The following GSKIP variants were observed in gnomAD, a reference collection of about 807,000 sequenced individuals.
GSKIP encodes the protein GSK3B interacting protein.
In GSKIP, 5 loss-of-function variants were observed where a neutral mutation model predicts 11.9. The observed-to-expected ratio is 0.42, with a 90% CI of 0.22 to 0.89. The LOEUF (loss-of-function observed/expected upper bound fraction) is 0.89. Among genes scored for constraint, GSKIP ranks in the 40% least tolerant of loss-of-function variants. The pLI is 0.29. For missense variants in GSKIP, 150 were observed against 166.6 expected, an observed-to-expected ratio of 0.90 and a Z score of 0.55; for synonymous variants, 70 against 62.9, an observed-to-expected ratio of 1.11 and a Z score of -0.54.
At chr14:96,368,079 G>A (rs1219210801) in intron 1 of GSKIP, among the ~76,000 whole-genome samples, 1 of 151,050 alleles carries the variant, frequency 6.6e-6, no homozygotes, top group Non-Finnish European at 1.5e-5. Flanking sequence ...TGTAATAACT[G>A]GAATTTTTTT....
intron 1 of GSKIP, among the ~76,000 whole-genome samples, chr14:96,379,265 C>G (rs1889282871): frequency 1.3e-5 from 2 of 152,208 alleles, no homozygotes; most frequent in South Asian, 4.1e-4. Flanking sequence ...GATCATGTCA[C>G]TGCACTCCAG....
In GSKIP at chr14:96,382,302, G is replaced by T; in HGVS notation, c.55G>T (p.Gly19Cys). The change falls in exon 3 of 4, where the codon GGT (glycine) becomes TGT (cysteine). Residue 19 changes from glycine (G) to cysteine (C), a missense_variant. Gly to Cys is a radical substitution (Grantham distance 159). Transcript: ENST00000555181. ...AAGCAGTATGTCAGGATTTGAAGAA[G>T]GTTCAGAGCTGAACGGTTTTGAAGG... ...ELSSMSGFEE[G>C]SELNGFEGTD... 1 of 1,612,506 alleles carries T rather than the reference G, an allele frequency of 6.2e-7. No individual in the cohort carries two copies.
At chr14:96,376,347 C>T (rs1889203186) in intron 1 of GSKIP, among the ~76,000 whole-genome samples, 1 of 151,986 alleles carries the variant, frequency 6.6e-6, no homozygotes, top group South Asian at 2.1e-4. Context: ...ATGCTTTGTT[C>T]CCTACACAGA....
intron 1 of GSKIP, among the ~76,000 whole-genome samples, chr14:96,375,189 TATAAA>T (rs1220639048): frequency 6.6e-6 from 1 of 151,606 alleles, no homozygotes; most frequent in Non-Finnish European, 1.5e-5. Context: ...AACCAAAAGA[TATAAA>T]ATAGAATCCT....
At chr14:96,378,443 T>TA (rs1367870532) in intron 1 of GSKIP, among the ~76,000 whole-genome samples, 1 of 152,202 alleles carries the variant, frequency 6.6e-6, no homozygotes, top group East Asian at 1.9e-4. Context: ...AGATGGCCTC[T>TA]AGAAGTGAGA....
rs1889373008 is a variant in GSKIP at position 96,382,443 on chromosome 14, A to G, written c.196A>G (p.Ile66Val). Residue 66 changes from isoleucine to valine, a missense_variant, in exon 3 of 4, where the codon ATC (isoleucine) becomes GTC (valine). Transcript: ENST00000555181. ...SLRCADDVAY[I>V]NVETKERNRY... is the part of the protein sequence containing the mutation. Reference sequence around the variant, plus strand: ...GCGGTGTGCGGATGATGTGGCCTATATCAATGTGGAAACAAAGGAAAGAAA... The same window carrying G: ...GCGGTGTGCGGATGATGTGGCCTATGTCAATGTGGAAACAAAGGAAAGAAA... 1 of 1,613,076 alleles carries G rather than the reference A, an allele frequency of 6.2e-7. No homozygotes were observed. The highest frequency in any genetic ancestry group is 8.5e-7 in the Non-Finnish European group (1 of 1,179,060).
At chr14:96,370,123 C>T (rs535433255) in intron 1 of GSKIP, among the ~76,000 whole-genome samples, 2 of 152,312 alleles carry the variant, frequency 1.3e-5, no homozygotes, top group Admixed American at 6.5e-5. Context: ...AGTATCTTAC[C>T]CTTTTCTCTT....
At chr14:96,383,277 G>A (rs1464380950) in intron 3 of GSKIP, among the ~76,000 whole-genome samples, 1 of 151,890 alleles carries the variant, frequency 6.6e-6, no homozygotes, top group East Asian at 1.9e-4. Context: ...ACCCAACATG[G>A]CAGCACTTGC....
chr14:96,380,229 TAAAG>T (rs1458197989), intron 2 of GSKIP: 3 of 152,354 alleles, frequency 2.0e-5, no homozygotes, highest in South Asian at 2.1e-4. Context: ...AGAGACGAGA[TAAAG>T]AGTCTTTAAA....
At chr14:96,380,943 A>G (rs924510845) in intron 2 of GSKIP, among the ~76,000 whole-genome samples, 6 of 152,220 alleles carry the variant, frequency 3.9e-5, no homozygotes. Context: ...CTAGACCTTG[A>G]CCACAGTGCC....
chr14:96,381,559 A>G (rs1889343912), intron 2 of GSKIP, among the ~76,000 whole-genome samples: 1 of 152,218 alleles, frequency 6.6e-6, no homozygotes, highest in African/African-American at 2.4e-5. Flanking sequence ...TGTGGTAGGT[A>G]AAGACTTGCA....
At chr14:96,377,673 G>A (rs1249890565) in intron 1 of GSKIP, among the ~76,000 whole-genome samples, 3 of 152,050 alleles carry the variant, frequency 2.0e-5, no homozygotes, top group Admixed American at 6.6e-5. Context: ...CTCAAGTGTC[G>A]GTCAACATAG....
At chr14:96,383,287 C>T (rs929207292) in intron 3 of GSKIP, among the ~76,000 whole-genome samples, 1 of 151,874 alleles carries the variant, frequency 6.6e-6, no homozygotes, top group Admixed American at 6.6e-5. Context: ...GCAGCACTTG[C>T]CTGTAATCCA....
At chr14:96,367,845 A>G (rs1236516793) in intron 1 of GSKIP, among the ~76,000 whole-genome samples, 1 of 152,220 alleles carries the variant, frequency 6.6e-6, no homozygotes, top group African/African-American at 2.4e-5. Context: ...ACAACCTACC[A>G]GAATAAATAA....
Sources: allele counts gnomAD v4.1 joint callset (sites outside exome capture counted in the v4.1 genomes callset), GRCh38; gene constraint gnomAD v4.1.1; transcripts MANE v1.5; gene names NCBI Gene and HGNC (gene_info 2026-07-23, HGNC 2026-07-21).